Variants in MRPS9 observed in about 807,000 individuals in gnomAD.
The protein encoded by MRPS9 is mitochondrial ribosomal protein S9.
In MRPS9, 45 loss-of-function variants were observed where a neutral mutation model predicts 59.9. The ratio of observed to expected loss-of-function variants is 0.75; its 90% confidence interval spans 0.59 to 0.96. The LOEUF (loss-of-function observed/expected upper bound fraction) is 0.96, where lower values mean the gene tolerates loss of function less well. Ranked by LOEUF, MRPS9 falls within the 40% of genes least tolerant of loss-of-function variation. The pLI is 0.00. For synonymous variants in MRPS9, 171 were observed against 166.8 expected (o/e 1.03, Z -0.19); for missense variants, 473 against 481.1 (o/e 0.98, Z 0.16).
intron 1 of MRPS9, among the ~76,000 whole-genome samples, chr2:105,048,359 G>A (rs923939753): frequency 1.3e-5 from 2 of 151,588 alleles, no homozygotes; most frequent in African/African-American, 4.9e-5. Flanking sequence ...TTGTGGGATG[G>A]GGGGAGGGGA....
chr2:105,090,469 A>C (rs1252279845), intron 7 of MRPS9, among the ~76,000 whole-genome samples: 1 of 151,448 alleles, frequency 6.6e-6, no homozygotes. Context: ...GGGATCTGCA[A>C]ACCACCTCTG....
At chr2:105,092,770 G>T (rs1001360575) in intron 8 of MRPS9, among the ~76,000 whole-genome samples, 1 of 152,058 alleles carries the variant, frequency 6.6e-6, no homozygotes, top group Non-Finnish European at 1.5e-5. Flanking sequence ...AAAAAATGTG[G>T]ATGCATACCT....
chr2:105,047,934 A>G (rs1284340016), intron 1 of MRPS9, among the ~76,000 whole-genome samples: 2 of 151,958 alleles, frequency 1.3e-5, no homozygotes, highest in African/African-American at 4.8e-5. Flanking sequence ...TTCTAGTTCT[A>G]GATCACTGAG....
intron 5 of MRPS9, among the ~76,000 whole-genome samples, chr2:105,086,129 C>T (rs760109272): frequency 6.6e-6 from 1 of 152,162 alleles, no homozygotes; most frequent in Non-Finnish European, 1.5e-5. Flanking sequence ...ACCTCACCCC[C>T]GCTATCATTC....
intron 2 of MRPS9, among the ~76,000 whole-genome samples, chr2:105,062,028 G>A (rs1338421105): frequency 6.6e-6 from 1 of 152,166 alleles, no homozygotes; most frequent in Non-Finnish European, 1.5e-5. Flanking sequence ...AACTGGAGCT[G>A]ATCCAGTAAG....
intron 2 of MRPS9, 78 bp from the exon 3 acceptor site, chr2:105,071,235 A>G: frequency 8.6e-7 from 1 of 1,161,796 alleles, no homozygotes; most frequent in Non-Finnish European, 1.3e-6. Context: ...TGTCCAGCAT[A>G]TAGAAAGCAC....
Position 105,042,157 on chromosome 2 carries a change from T to C in MRPS9, c.135+3930T>C, listed in dbSNP as rs142523705. On this transcript the variant is annotated intron_variant, in intron 1 of 10. Transcript: ENST00000258455. The stretch of plus-strand genomic sequence containing the variant: ...TCAGGGTTCTCCAGGCACACTTTGT[T>C]GGGTCCTCTTGCTCAGGGTCTCTGG... 1.7e-3 allele frequency among the ~76,000 whole-genome samples: 252 copies of C among 152,368 alleles called. 2 individuals carry two copies. The highest frequency in any genetic ancestry group is 5.8e-3 in the African/African-American group (240 of 41,590).
intron 2 of MRPS9, among the ~76,000 whole-genome samples, chr2:105,051,059 A>G (rs1679702482): frequency 6.6e-6 from 1 of 152,206 alleles, no homozygotes; most frequent in Non-Finnish European, 1.5e-5. Context: ...GCATGCTATA[A>G]AGTTCTTGTG....
intron 1 of MRPS9, among the ~76,000 whole-genome samples, chr2:105,041,387 A>ATAT (rs1679499755): frequency 6.6e-6 from 1 of 152,170 alleles, no homozygotes; most frequent in Non-Finnish European, 1.5e-5. Flanking sequence ...CTAGTGCTTA[A>ATAT]ATATTCAGTT....
intron 2 of MRPS9, among the ~76,000 whole-genome samples, chr2:105,054,112 TC>T (rs1222920214): frequency 6.6e-6 from 1 of 152,226 alleles, no homozygotes; most frequent in African/African-American, 2.4e-5. Context: ...CTAACTAGTG[TC>T]GTTGAGCAAG....
At chr2:105,097,021 T>C in intron 9 of MRPS9, 134 bp from the exon 10 acceptor site, 1 of 826,284 alleles carries the variant, frequency 1.2e-6, no homozygotes, top group East Asian at 3.2e-5. Context: ...GTAAAATGGA[T>C]TGATTGAGAA....
At position 105,094,316 on chromosome 2, in the gene MRPS9, T is replaced by C. The variant is rs114322240; in HGVS notation, c.929+678T>C. On this transcript the variant is annotated intron_variant, in intron 9 of 10. Coordinates refer to ENST00000258455, the MANE Select transcript of MRPS9 (RefSeq NM_182640.3). ...ATAGACATTAATCATAAATAGATAC[T>C]ACAGCTCTTCTAATCTAAATATACT... Among the ~76,000 whole-genome samples the C allele has an allele frequency of 2.3e-3, 348 of 152,334 alleles. 2 individuals are homozygous for C. Among genetic ancestry groups the C allele is most frequent in the African/African-American group, 7.8e-3 (325 of 41,580 alleles).
At chr2:105,086,931 G>A (rs1302845389) in intron 5 of MRPS9, among the ~76,000 whole-genome samples, 1 of 151,990 alleles carries the variant, frequency 6.6e-6, no homozygotes, top group Non-Finnish European at 1.5e-5. Flanking sequence ...TTTTTTTGGT[G>A]GGGGGAGTTC....
At chr2:105,066,569 T>C (rs1680005931) in intron 2 of MRPS9, among the ~76,000 whole-genome samples, 1 of 152,224 alleles carries the variant, frequency 6.6e-6, no homozygotes, top group Non-Finnish European at 1.5e-5. Flanking sequence ...CGTCTAGGAT[T>C]CTATTCATTG....
chr2:105,040,857 G>A (rs999541011), intron 1 of MRPS9, among the ~76,000 whole-genome samples: 2 of 152,170 alleles, frequency 1.3e-5, no homozygotes, highest in Admixed American at 1.3e-4. Flanking sequence ...GGATTGTCAT[G>A]GGCAGCTTCC....
chr2:105,093,505 T>C (rs750709950), intron 8 of MRPS9, 25 bp from the exon 9 acceptor site: 6 of 1,401,566 alleles, frequency 4.3e-6, no homozygotes, highest in South Asian at 2.5e-5. Flanking sequence ...AGATATTTAC[T>C]AATAGGAATT....
intron 5 of MRPS9, among the ~76,000 whole-genome samples, chr2:105,087,165 T>G (rs1176094353): frequency 1.3e-5 from 2 of 152,044 alleles, no homozygotes; most frequent in African/African-American, 2.4e-5. Context: ...TATACCCCTG[T>G]TTTTCTATAT....
At chr2:105,051,858 G>C (rs1412042324) in intron 2 of MRPS9, among the ~76,000 whole-genome samples, 1 of 152,072 alleles carries the variant, frequency 6.6e-6, no homozygotes, top group Non-Finnish European at 1.5e-5. Context: ...AGTGAATACA[G>C]TTGATTTTTG....
chr2:105,040,764 G>A lies in MRPS9; in HGVS notation c.135+2537G>A, dbSNP rs139965758. 3.9e-5 allele frequency among the ~76,000 whole-genome samples: 6 copies of A among 152,324 alleles called. No homozygotes were observed. The East Asian group carries it at 1.2e-3, about 29-fold the overall frequency. ...TCCATGAATATCAGGGATCTATGGTGTACTGTGATATTTACAGAGGTAAAT... is the reference window on the plus strand; with the variant it reads ...TCCATGAATATCAGGGATCTATGGTATACTGTGATATTTACAGAGGTAAAT... On this transcript the variant is annotated intron_variant, in intron 1 of 10. Coordinates refer to ENST00000258455, the MANE Select transcript of MRPS9 (RefSeq NM_182640.3).
Sources: gnomAD v4.1 joint callset for allele counts (sites outside exome capture counted in the v4.1 genomes callset) on GRCh38, gnomAD v4.1.1 for gene constraint, MANE v1.5 for transcripts, NCBI Gene and HGNC (gene_info 2026-07-23, HGNC 2026-07-21) for gene names.